MAP4K4: variants seen among roughly 807,000 people sequenced by gnomAD.
MAP4K4 encodes the protein mitogen-activated protein kinase kinase kinase kinase 4, also known as HPK/GCK-like kinase HGK.
MAP4K4 carries 38 observed loss-of-function variants against 189.6 expected under a neutral mutation model. The observed-to-expected ratio is 0.20, with a 90% confidence interval of 0.15 to 0.26. The LOEUF (loss-of-function observed/expected upper bound fraction) is 0.26. Ranked by LOEUF, MAP4K4 falls within the 10% of genes least tolerant of loss-of-function variation. MAP4K4 has a pLI of 1.00. For missense variants in MAP4K4, 1,054 were observed against 1,726.9 expected, an observed-to-expected ratio of 0.61 and a Z score of 6.91; for synonymous variants, 610 against 624.3, an observed-to-expected ratio of 0.98 and a Z score of 0.34.
At chr2:101,885,567 T>A (rs1489553491) in intron 29 of MAP4K4, among the ~76,000 whole-genome samples, 1 of 152,218 alleles carries the variant, frequency 6.6e-6, no homozygotes, top group Non-Finnish European at 1.5e-5. Context: ...ACTTCCACCC[T>A]TCAGTTAAAA....
intron 3 of MAP4K4, among the ~76,000 whole-genome samples, chr2:101,812,024 G>A (rs1199323678): frequency 6.6e-6 from 1 of 152,172 alleles, no homozygotes; most frequent in East Asian, 1.9e-4. Context: ...ACTCTTGGAG[G>A]AGGAGGTACC....
At chr2:101,830,076 G>A (rs2096549802) in intron 6 of MAP4K4, among the ~76,000 whole-genome samples, 2 of 151,820 alleles carry the variant, frequency 1.3e-5, no homozygotes, top group South Asian at 4.2e-4. Context: ...GGGAACACTT[G>A]ACTTCAGTTT....
intron 15 of MAP4K4, 186 bp downstream of exon 15, chr2:101,860,050 CA>C: frequency 3.1e-6 from 2 of 640,742 alleles, no homozygotes; most frequent in South Asian, 3.9e-5. Context: ...CATATTCAGT[CA>C]GTGCTTTTTC....
Position 101,797,889 on chromosome 2 carries a change from GTTTTTTT to G in MAP4K4, c.180+7128_180+7134del, listed in dbSNP as rs58201235. Among the ~76,000 whole-genome samples, 15 of 52,326 alleles carry G rather than the reference GTTTTTTT, an allele frequency of 2.9e-4. 1 individual carries two copies. Among genetic ancestry groups the G allele is most frequent in the South Asian group, 1.6e-3 (2 of 1,246 alleles). The allele number at this position is 52,326 out of a possible 152,430, so 34.3% of individuals were successfully genotyped here. ...TGAAGCTTTTTAAAACATTCTTTTA[GTTTTTTT>G]TTTTTTTTTTTTTTGGAGACCAAGG... On this transcript the variant is annotated intron_variant, in intron 3 of 32. Coordinates refer to ENST00000324219, the Ensembl canonical transcript of MAP4K4.
intron 3 of MAP4K4, among the ~76,000 whole-genome samples, chr2:101,813,463 G>A (rs2095549751): frequency 6.6e-6 from 1 of 152,166 alleles, no homozygotes; most frequent in South Asian, 2.1e-4. Flanking sequence ...CTTAGCAGCT[G>A]TTCGTATTAT....
intron 2 of MAP4K4, among the ~76,000 whole-genome samples, chr2:101,702,341 C>T (rs1483645158): frequency 6.6e-6 from 1 of 151,896 alleles, no homozygotes; most frequent in African/African-American, 2.4e-5. Flanking sequence ...CGCAGGTGGG[C>T]GGATCACTTG....
At chr2:101,793,128 T>A (rs2093203943) in intron 3 of MAP4K4, among the ~76,000 whole-genome samples, 1 of 152,214 alleles carries the variant, frequency 6.6e-6, no homozygotes, top group South Asian at 2.1e-4. Context: ...ATGATATAAG[T>A]AGTTTTGGGA....
intron 3 of MAP4K4, among the ~76,000 whole-genome samples, chr2:101,804,626 C>T (rs2094725769): frequency 6.6e-6 from 1 of 152,138 alleles, no homozygotes; most frequent in South Asian, 2.1e-4. Flanking sequence ...CATTCCCAGA[C>T]ACTTTTTTTC....
intron 2 of MAP4K4, among the ~76,000 whole-genome samples, chr2:101,725,395 A>AAAC (rs1553508531): frequency 2.4e-4 from 36 of 151,354 alleles, no homozygotes; most frequent in African/African-American, 8.7e-4. Context: ...AGCAAAAAAA[A>AAAC]AAAAACAAAA....
intron 2 of MAP4K4, among the ~76,000 whole-genome samples, chr2:101,711,781 A>G (rs1398840511): frequency 6.6e-6 from 1 of 152,132 alleles, no homozygotes; most frequent in Non-Finnish European, 1.5e-5. Flanking sequence ...CAACTCCAAG[A>G]TTGTATTAGA....
chr2:101,879,580 A>G (rs2098324376), intron 27 of MAP4K4, among the ~76,000 whole-genome samples: 2 of 152,228 alleles, frequency 1.3e-5, no homozygotes, highest in Non-Finnish European at 2.9e-5. Flanking sequence ...ATACTGAAGT[A>G]TGATATACAG....
At chr2:101,781,378 G>T (rs2087342324) in intron 2 of MAP4K4, among the ~76,000 whole-genome samples, 2 of 152,066 alleles carry the variant, frequency 1.3e-5, no homozygotes, top group African/African-American at 2.4e-5. Context: ...AGTCCATTTT[G>T]TGCTGCTGTA....
chr2:101,726,095 G>T (rs567329159), intron 2 of MAP4K4, among the ~76,000 whole-genome samples: 3 of 152,278 alleles, frequency 2.0e-5, no homozygotes, highest in African/African-American at 7.2e-5. Flanking sequence ...GTGGACTTTG[G>T]CTTGGGATAA....
intron 22 of MAP4K4, 161 bp downstream of exon 22, chr2:101,869,958 C>A: frequency 1.1e-6 from 1 of 929,668 alleles, no homozygotes; most frequent in Non-Finnish European, 1.6e-6. Flanking sequence ...CCCTTCTCTT[C>A]GTTGGTGTGT....
chr2:101,859,005 A>T, exon 14 of MAP4K4: 1 of 1,611,470 alleles, frequency 6.2e-7, no homozygotes, highest in Non-Finnish European at 8.5e-7. Context: ...GGAGTATATC[A>T]GGCGACAGCT....
intron 2 of MAP4K4, among the ~76,000 whole-genome samples, chr2:101,741,146 G>A (rs1436545157): frequency 6.6e-6 from 1 of 150,764 alleles, no homozygotes; most frequent in Non-Finnish European, 1.5e-5. Flanking sequence ...ACATGGGGAA[G>A]TGTGGAGGGT....
chr2:101,702,968 G>A (rs2039864849), intron 2 of MAP4K4, among the ~76,000 whole-genome samples: 1 of 152,206 alleles, frequency 6.6e-6, no homozygotes, highest in South Asian at 2.1e-4. Flanking sequence ...AGGGCTAAGA[G>A]TGACCTTTGG....
chr2:101,883,525 A>G (rs1422471401), intron 28 of MAP4K4, among the ~76,000 whole-genome samples: 2 of 152,166 alleles, frequency 1.3e-5, no homozygotes, highest in African/African-American at 4.8e-5. Context: ...TTTAAACATG[A>G]AAAAACCAAA....
chr2:101,775,575 C>T (rs537325947), intron 2 of MAP4K4, among the ~76,000 whole-genome samples: 1 of 152,218 alleles, frequency 6.6e-6, no homozygotes, highest in South Asian at 2.1e-4. Flanking sequence ...TACTGAGGGC[C>T]TGCTGTGTGC....
Sources: gnomAD v4.1 joint callset for allele counts (sites outside exome capture counted in the v4.1 genomes callset) on GRCh38, gnomAD v4.1.1 for gene constraint, MANE v1.5 for transcripts, NCBI Gene and HGNC (gene_info 2026-07-23, HGNC 2026-07-21) for gene names.